Variants in ZFYVE1 observed in about 807,000 individuals in gnomAD.
ZFYVE1 encodes zinc finger FYVE-type containing 1, also known as zinc finger FYVE domain-containing protein 1.
Under a neutral mutation model 74.4 loss-of-function variants are expected in ZFYVE1, and 30 were observed. The ratio of observed to expected loss-of-function variants is 0.40; its 90% CI spans 0.30 to 0.55. ZFYVE1 has a LOEUF of 0.55. Ranked by LOEUF, ZFYVE1 falls within the 20% of genes least tolerant of loss-of-function variation. The pLI, the probability that ZFYVE1 is intolerant of heterozygous loss-of-function variation, is 0.42. For missense variants in ZFYVE1, 703 were observed against 1,011.6 expected (o/e 0.69, Z 4.14); for synonymous variants, 335 against 385.1 (o/e 0.87, Z 1.52).
At chr14:73,018,623 T>C (rs1894249544) in intron 2 of ZFYVE1, among the ~76,000 whole-genome samples, 1 of 151,960 alleles carries the variant, frequency 6.6e-6, no homozygotes, top group African/African-American at 2.4e-5. Context: ...CCATGTCTTA[T>C]TAACCATGTA....
chr14:72,998,038 A>T lies in ZFYVE1; in HGVS notation c.761T>A (p.Leu254His). ...GAGGTCTGAGATGGCCAGGACCTTA[A>T]GCAGCAGCCGTGTTCTCTGGCTTAG... is the stretch of plus-strand genomic sequence containing the variant. ...VNLSQRTRLLLKVLAISDLVI... is the reference protein window; with the variant it reads ...VNLSQRTRLLHKVLAISDLVI... Residue 254 changes from leucine (L) to histidine (H), a missense_variant, in exon 3 of 12, where the codon CTT (leucine) becomes CAT (histidine). Physicochemically the swap from Leu to His is moderately conservative, Grantham distance 99 (BLOSUM62 -3). Around this residue, in one of 2 missense-constraint regions of ZFYVE1, gnomAD observed 492 missense variants for 790.0 expected, o/e 0.62. Transcript: ENST00000556143. The T allele has an allele frequency of 6.2e-7, 1 of 1,614,018 alleles. No individual in the cohort carries two copies. Among genetic ancestry groups the T allele is most frequent in the Non-Finnish European group, 8.5e-7 (1 of 1,179,996 alleles).
intron 2 of ZFYVE1, among the ~76,000 whole-genome samples, chr14:73,015,881 C>T (rs865816620): frequency 2.0e-5 from 3 of 151,732 alleles, no homozygotes; most frequent in Non-Finnish European, 2.9e-5. Context: ...GAGCTGAGAT[C>T]GCGCCACTGC....
rs762616338 is a variant in ZFYVE1 at position 72,974,919 on chromosome 14, G to C, written c.1847C>G (p.Thr616Ser). Residue 616 changes from threonine (T) to serine (S), a missense_variant, in exon 10 of 12, where the codon ACT (threonine) becomes AGT (serine). Around this residue, in one of 2 missense-constraint regions of ZFYVE1, gnomAD observed 492 missense variants for 790.0 expected, o/e 0.62. Coordinates refer to ENST00000556143, the MANE Select transcript of ZFYVE1 (RefSeq NM_021260.4). ...CCCACAGGCTCGGCAGTGATGCTTA[G>C]TGTCGTTATCTTTAAAGGACGTCGC... ...KCATSFKDNDTKHHCRACGEG... is the reference protein window; with the variant it reads ...KCATSFKDNDSKHHCRACGEG... The C allele has an allele frequency of 3.1e-6, 5 of 1,613,972 alleles. No individual in the cohort carries two copies. Among genetic ancestry groups the C allele is most frequent in the African/African-American group, 1.3e-5 (1 of 75,034 alleles).
In ZFYVE1 at chr14:72,998,064, A is replaced by G; in HGVS notation, c.735T>C (p.Asn245=). 6.2e-7 allele frequency: 1 copy of G among 1,614,068 alleles called. No homozygotes were observed. Among genetic ancestry groups the G allele is most frequent in the Non-Finnish European group, 8.5e-7 (1 of 1,180,006 alleles). ...DTEGLLGATV[N]LSQRTRLLLK... ...GCAGCAGCCGTGTTCTCTGGCTTAG[A>G]TTCACGGTGGCCCCCAGGAGCCCTT... The change falls in exon 3 of 12, where the codon AAT becomes AAC. Residue 245 remains asparagine, a synonymous_variant. Transcript: ENST00000556143.
At position 72,969,529 on chromosome 14, in the gene ZFYVE1, G is replaced by C. The variant is rs1325567349; in HGVS notation, c.*1353C>G. On this transcript the variant is annotated 3_prime_UTR_variant, in exon 12 of 12. Transcript: ENST00000556143. ...GGGTCCCAGTCACTGGACCCCAGGA[G>C]GCAGGAGGAGCAGGGCTGAGAGGGA... The C allele has an allele frequency of 3.3e-6, 2 of 599,574 alleles. No homozygotes were observed. The highest frequency in any genetic ancestry group is 5.9e-6 in the Non-Finnish European group (2 of 338,076). 37.1% of individuals were successfully genotyped at this position (599,574 alleles called of 1,614,324 possible).
intron 2 of ZFYVE1, 111 bp downstream of exon 2, chr14:73,023,915 C>T (rs544165998): frequency 4.0e-5 from 58 of 1,456,730 alleles, no homozygotes; most frequent in Non-Finnish European, 5.1e-5. Context: ...AGAGGTCTTG[C>T]CTTTTAATGA....
Position 72,969,639 on chromosome 14 carries a change from A to G in ZFYVE1, c.*1243T>C, listed in dbSNP as rs1198091315. The G allele has an allele frequency of 2.9e-6, 2 of 695,280 alleles. No individual in the cohort carries two copies. The highest frequency in any genetic ancestry group is 5.2e-6 in the Non-Finnish European group (2 of 382,230). The allele number at this position is 695,280 out of a possible 1,614,324, so 43.1% of individuals were successfully genotyped here. On this transcript the variant is annotated 3_prime_UTR_variant, in exon 12 of 12. Transcript: ENST00000556143. ...TTCCCTAAAGCTCAACCCACCCACC[A>G]GTTCAGTTAAGAATTATACTTTAAT... is the stretch of plus-strand genomic sequence containing the variant.
Position 72,978,915 on chromosome 14 carries a change from G to A in ZFYVE1, c.1365C>T (p.Ala455=), listed in dbSNP as rs200821570. The stretch of plus-strand genomic sequence containing the variant: ...GGTGGGAGTATCTGCAGCGGCTCTT[G>A]GCTTCATGAGGCACTCCTTCCTTCC... ...NHGKEGVPHE[A]KSRCRYSHQY... Residue 455 remains alanine, a synonymous_variant, in exon 6 of 12, where the codon GCC becomes GCT. Coordinates refer to ENST00000556143, the MANE Select transcript of ZFYVE1 (RefSeq NM_021260.4). 8 of 1,614,092 alleles carry A rather than the reference G, an allele frequency of 5.0e-6. No homozygotes were observed. The highest frequency in any genetic ancestry group is 6.8e-6 in the Non-Finnish European group (8 of 1,179,996).
At chr14:72,974,296 C>T in intron 10 of ZFYVE1, 103 bp from the exon 11 acceptor site, 1 of 1,084,150 alleles carries the variant, frequency 9.2e-7, no homozygotes, top group South Asian at 1.4e-5. Flanking sequence ...ATCCCAGACA[C>T]CACTGTGCTG....
chr14:72,980,576 T>G (rs1893300676), intron 5 of ZFYVE1, among the ~76,000 whole-genome samples: 1 of 144,410 alleles, frequency 6.9e-6, no homozygotes, highest in South Asian at 2.4e-4. Context: ...TTTATTTATT[T>G]ATTTATTTTG....
At chr14:72,993,665 C>T (rs1322711100) in intron 3 of ZFYVE1, among the ~76,000 whole-genome samples, 1 of 151,850 alleles carries the variant, frequency 6.6e-6, no homozygotes, top group African/African-American at 2.4e-5. Flanking sequence ...CACCACTGCA[C>T]TATAGCCTGG....
chr14:72,970,803 G>A lies in ZFYVE1; in HGVS notation c.*79C>T. The stretch of plus-strand genomic sequence containing the variant: ...GACACACACCACAGCAGGTGACTGG[G>A]AGGAGGGCCTACCTCGCAAGACTGT... On this transcript the variant is annotated 3_prime_UTR_variant, in exon 12 of 12. Transcript: ENST00000556143. 6 of 1,449,020 alleles carry A rather than the reference G, an allele frequency of 4.1e-6. No individual in the cohort carries two copies. Among genetic ancestry groups the A allele is most frequent in the Admixed American group, 1.9e-5 (1 of 51,554 alleles). 89.8% of individuals were successfully genotyped at this position (1,449,020 alleles called of 1,614,324 possible).
At chr14:72,988,081 A>T (rs1441449536) in intron 4 of ZFYVE1, among the ~76,000 whole-genome samples, 2 of 152,208 alleles carry the variant, frequency 1.3e-5, no homozygotes, top group Non-Finnish European at 2.9e-5. Context: ...CCGGTCAATA[A>T]TAAACACAAA....
At chr14:72,988,744 T>C (rs538010433) in intron 4 of ZFYVE1, among the ~76,000 whole-genome samples, 1 of 149,428 alleles carries the variant, frequency 6.7e-6, no homozygotes, top group Admixed American at 6.7e-5. Context: ...GAGTCAGAGG[T>C]TTCAGTGAGC....
intron 4 of ZFYVE1, among the ~76,000 whole-genome samples, chr14:72,983,196 CTT>C (rs34016113): frequency 5.6e-4 from 82 of 145,566 alleles, no homozygotes; most frequent in African/African-American, 1.7e-3. Context: ...CCAATGCAGT[CTT>C]TTTTTTTTTT....
chr14:73,024,622 C>G lies in ZFYVE1; in HGVS notation c.-114G>C, dbSNP rs1894417496. ...CACGAAACTTCCACAGGGTTCTGAA[C>G]ACTTTAAAAAAGAACACCTTTCATG... On this transcript the variant is annotated 5_prime_UTR_variant, in exon 2 of 12. Coordinates refer to ENST00000556143, the MANE Select transcript of ZFYVE1 (RefSeq NM_021260.4). 13 of 1,424,780 alleles carry G rather than the reference C, an allele frequency of 9.1e-6. No homozygotes were observed. The South Asian group carries it at 2.0e-4, about 22-fold the overall frequency. The allele number at this position is 1,424,780 out of a possible 1,614,324, so 88.3% of individuals were successfully genotyped here.
chr14:72,983,782 T>G (rs1893405420), intron 4 of ZFYVE1, among the ~76,000 whole-genome samples: 1 of 152,186 alleles, frequency 6.6e-6, no homozygotes, highest in Admixed American at 6.6e-5. Context: ...GCCACGCTGG[T>G]TGAACTAGTT....
chr14:73,017,084 T>A (rs1392097337), intron 2 of ZFYVE1, among the ~76,000 whole-genome samples: 8 of 151,118 alleles, frequency 5.3e-5, no homozygotes, highest in African/African-American at 2.0e-4. Flanking sequence ...GCCCAGGAGG[T>A]GGAAACCAGC....
chr14:72,978,902 TGCA>T lies in ZFYVE1; in HGVS notation c.1375_1377del (p.Cys459del). On this transcript the variant is annotated inframe_deletion, in exon 6 of 12. Transcript: ENST00000556143. Reference sequence around the variant, plus strand: ...CGGTTGTCATACTGGTGGGAGTATCTGCAGCGGCTCTTGGCTTCATGAGGCACT... The same window carrying T: ...CGGTTGTCATACTGGTGGGAGTATCTGCGGCTCTTGGCTTCATGAGGCACT... 1 of 1,614,132 alleles carries T rather than the reference TGCA, an allele frequency of 6.2e-7. No homozygotes were observed. Among genetic ancestry groups the T allele is most frequent in the South Asian group, 1.1e-5 (1 of 91,082 alleles).
Sources: gnomAD v4.1 joint callset for allele counts (sites outside exome capture counted in the v4.1 genomes callset) on GRCh38, gnomAD v4.1.1 for gene constraint, gnomAD v4.1.1 regional missense constraint, MANE v1.5 for transcripts, NCBI Gene and HGNC (gene_info 2026-07-23, HGNC 2026-07-21) for gene names.